WWOX: variants seen among roughly 807,000 people sequenced by gnomAD.
WWOX encodes the protein WW domain-containing oxidoreductase.
A neutral mutation model predicts 46.2 loss-of-function variants in WWOX; 69 were observed. That is an observed-to-expected ratio of 1.49 (90% CI 1.23 to 1.82). WWOX has a LOEUF of 1.82. Ranked by LOEUF, WWOX falls within the 40% of genes most tolerant of loss-of-function variation. The probability of loss-of-function intolerance (pLI) is 0.00; values close to 1 mark genes in which losing one functional copy is unlikely to be tolerated. For missense variants in WWOX, 919 were observed against 542.6 expected (o/e 1.69, Z -6.89); for synonymous variants, 359 against 202.6 (o/e 1.77, Z -6.56).
intron 5 of WWOX, among the ~76,000 whole-genome samples, chr16:78,363,861 C>T (rs1000488611): frequency 2.6e-5 from 4 of 152,130 alleles, no homozygotes; most frequent in Non-Finnish European, 4.4e-5. Context: ...GTGCAGAGTT[C>T]GAGGCAGGGC....
intron 8 of WWOX, among the ~76,000 whole-genome samples, chr16:78,490,968 C>G (rs1032014705): frequency 1.3e-5 from 2 of 152,132 alleles, no homozygotes; most frequent in Non-Finnish European, 2.9e-5. Flanking sequence ...CTCACCAGCC[C>G]CTGAGCTGCC....
chr16:78,411,900 G>A (rs2082689892), intron 6 of WWOX, among the ~76,000 whole-genome samples: 2 of 152,178 alleles, frequency 1.3e-5, no homozygotes, highest in Admixed American at 1.3e-4. Flanking sequence ...GAGCGGAGAG[G>A]GAAGCAGGCT....
chr16:78,189,660 CTT>C (rs1762137920), intron 5 of WWOX, among the ~76,000 whole-genome samples: 1 of 151,954 alleles, frequency 6.6e-6, no homozygotes, highest in Admixed American at 6.6e-5. Context: ...AATTAATTAA[CTT>C]ATTTATTTTT....
At chr16:78,945,817 C>T (rs370503438) in intron 8 of WWOX, among the ~76,000 whole-genome samples, 5 of 151,986 alleles carry the variant, frequency 3.3e-5, no homozygotes, top group East Asian at 1.9e-4. Context: ...GTCTTTAGTT[C>T]GTATGGGTTG....
At chr16:79,059,576 C>T (rs561539110) in intron 8 of WWOX, among the ~76,000 whole-genome samples, 20 of 152,252 alleles carry the variant, frequency 1.3e-4, no homozygotes, top group African/African-American at 4.3e-4. Context: ...CTGCAGCCTC[C>T]GCCTTCCGGG....
At chr16:79,147,910 T>A (rs1362044030) in intron 8 of WWOX, among the ~76,000 whole-genome samples, 1 of 152,218 alleles carries the variant, frequency 6.6e-6, no homozygotes, top group African/African-American at 2.4e-5. Context: ...TTTTTTCTCA[T>A]TTTCTATTTG....
intron 8 of WWOX, among the ~76,000 whole-genome samples, chr16:78,721,291 A>T (rs933460839): frequency 2.6e-5 from 4 of 152,144 alleles, no homozygotes; most frequent in Non-Finnish European, 5.9e-5. Context: ...TCTTTCCATT[A>T]TTCTATTTCC....
intron 8 of WWOX, among the ~76,000 whole-genome samples, chr16:79,052,729 A>G (rs1267868695): frequency 6.6e-6 from 1 of 152,228 alleles, no homozygotes; most frequent in Admixed American, 6.5e-5. Context: ...CTCTCATGGC[A>G]AAACTGCTGG....
Position 78,174,725 on chromosome 16 carries a change from C to T in WWOX, c.516+10436C>T, listed in dbSNP as rs776445556. ...TAAGGTGGCCGGGTGTGGTGGCTCA[C>T]ACCTGTAATCCCAGCACTTTGGGAG... is the stretch of plus-strand genomic sequence containing the variant. On this transcript the variant is annotated intron_variant, in intron 5 of 8. Transcript: ENST00000566780. Among the ~76,000 whole-genome samples the T allele has an allele frequency of 7.2e-5, 11 of 152,278 alleles. No homozygotes were observed. In the South Asian group the frequency reaches 1.9e-3, roughly 26 times the overall value.
At chr16:78,906,642 A>G (rs899553255) in intron 8 of WWOX, among the ~76,000 whole-genome samples, 14 of 152,216 alleles carry the variant, frequency 9.2e-5, no homozygotes, top group Non-Finnish European at 1.5e-4. Flanking sequence ...TTCAGTGATG[A>G]TAAAGGTTAC....
intron 8 of WWOX, among the ~76,000 whole-genome samples, chr16:78,733,726 G>T (rs1206703904): frequency 6.6e-6 from 1 of 152,088 alleles, no homozygotes; most frequent in Admixed American, 6.6e-5. Flanking sequence ...CTGCACTCCA[G>T]CCTGGGCGAC....
At chr16:78,544,599 G>A (rs1442206643) in intron 8 of WWOX, among the ~76,000 whole-genome samples, 2 of 152,162 alleles carry the variant, frequency 1.3e-5, no homozygotes, top group African/African-American at 2.4e-5. Flanking sequence ...TTGAAAATGA[G>A]ATGTGGCTGG....
intron 5 of WWOX, among the ~76,000 whole-genome samples, chr16:78,224,416 G>A (rs529824392): frequency 4.8e-5 from 7 of 146,820 alleles, no homozygotes; most frequent in South Asian, 2.2e-4. Context: ...AAAAAAAAAA[G>A]CCAGCCAAAA....
At chr16:78,840,879 A>G (rs2052122997) in intron 8 of WWOX, among the ~76,000 whole-genome samples, 3 of 152,096 alleles carry the variant, frequency 2.0e-5, no homozygotes, top group Admixed American at 2.0e-4. Context: ...TGGTCCAGGT[A>G]ACACACTTGG....
rs544473180 is a variant in WWOX, at chr16:78,292,521, A to G, written c.517-94339A>G. 7.9e-5 allele frequency among the ~76,000 whole-genome samples: 12 copies of G among 152,272 alleles called. No individual in the cohort carries two copies. In the Middle Eastern group the frequency reaches 0.01, roughly 129 times the overall value. On this transcript the variant is annotated intron_variant, in intron 5 of 8. Transcript: ENST00000566780. ...TTTTATAGCTATGCATGCAATCCAC[A>G]TTACACCCACATGCAGTATTTCTAT...
chr16:78,152,051 G>A (rs1284817953), intron 4 of WWOX, among the ~76,000 whole-genome samples: 7 of 152,122 alleles, frequency 4.6e-5, no homozygotes, highest in Non-Finnish European at 7.4e-5. Context: ...TTAGCCGGGT[G>A]TGGTGGCGGG....
chr16:78,943,666 T>G (rs574456113), intron 8 of WWOX, among the ~76,000 whole-genome samples: 1 of 151,900 alleles, frequency 6.6e-6, no homozygotes, highest in South Asian at 2.1e-4. Context: ...TCCAGAAGAG[T>G]GTAGGACACT....
At chr16:78,953,228 C>G (rs1049330398) in intron 8 of WWOX, among the ~76,000 whole-genome samples, 6 of 151,930 alleles carry the variant, frequency 3.9e-5, no homozygotes, top group African/African-American at 1.4e-4. Context: ...CTAGACTGAG[C>G]CAAAGATTCT....
At chr16:78,569,871 C>G (rs1293635496) in intron 8 of WWOX, among the ~76,000 whole-genome samples, 4 of 152,206 alleles carry the variant, frequency 2.6e-5, no homozygotes, top group Non-Finnish European at 5.9e-5. Flanking sequence ...GCTGCTGCTT[C>G]TAGCTCATCA....
Sources: allele counts gnomAD v4.1 joint callset (sites outside exome capture counted in the v4.1 genomes callset), GRCh38; gene constraint gnomAD v4.1.1; transcripts MANE v1.5; gene names NCBI Gene and HGNC (gene_info 2026-07-23, HGNC 2026-07-21).